The following OPRM1 variants were observed in gnomAD, a reference collection of about 807,000 sequenced individuals.
OPRM1 encodes the protein mu-type opioid receptor.
OPRM1 carries 27 observed loss-of-function variants against 31.8 expected under a neutral mutation model. The ratio of observed to expected loss-of-function variants is 0.85; its 90% confidence interval spans 0.63 to 1.17. OPRM1 has a LOEUF of 1.17. OPRM1 is among the 50% of genes most tolerant of loss of function. OPRM1 has a pLI of 0.00. For missense variants in OPRM1, 536 were observed against 511.1 expected (o/e 1.05, Z -0.47); for synonymous variants, 196 against 189.9 (o/e 1.03, Z -0.26).
intron 3 of OPRM1, among the ~76,000 whole-genome samples, chr6:154,192,654 CAAATT>C (rs56791733): frequency 0.57 from 86,745 of 151,014 alleles, 25,264 homozygotes; most frequent in East Asian, 0.89. Context: ...GGAACACAAA[CAAATT>C]AGGAAGAAAA....
At position 154,091,102 on chromosome 6, in the gene OPRM1, G is replaced by T. The variant is rs376950705; in HGVS notation, c.794G>T (p.Arg265Leu). 6.8e-6 allele frequency: 11 copies of T among 1,614,108 alleles called. No individual in the cohort carries two copies. The highest frequency in any genetic ancestry group is 5.3e-5 in the African/African-American group (4 of 75,012). ...ATGATCTTGCGCCTCAAGAGTGTCCGCATGCTCTCTGGCTCCAAAGAAAAG... is the reference window on the plus strand; with the variant it reads ...ATGATCTTGCGCCTCAAGAGTGTCCTCATGCTCTCTGGCTCCAAAGAAAAG... ...GLMILRLKSV[R>L]MLSGSKEKDR... The change falls in exon 3 of 4, where the codon CGC becomes CTC. Residue 265 changes from arginine (R) to leucine (L), a missense_variant. Coordinates refer to ENST00000330432, the MANE Select transcript of OPRM1 (RefSeq NM_000914.5).
At chr6:154,152,347 G>GAAAGAAAGAAAGGAAA in intron 3 of OPRM1, among the ~76,000 whole-genome samples, 36 of 65,158 alleles carry the variant, frequency 5.5e-4, no homozygotes, top group African/African-American at 1.8e-3. Flanking sequence ...AAGAAAGAAA[G>GAAAGAAAGAAAGGAAA]GAAAGAAAGA....
At chr6:154,017,889 C>G (rs1778098385) in intron 1 of OPRM1, among the ~76,000 whole-genome samples, 1 of 151,576 alleles carries the variant, frequency 6.6e-6, no homozygotes, top group African/African-American at 2.4e-5. Flanking sequence ...TTTTCATCTA[C>G]CCACTCAAAC....
At chr6:154,151,320 C>CTGTG (rs959530793) in intron 3 of OPRM1, among the ~76,000 whole-genome samples, 1 of 152,220 alleles carries the variant, frequency 6.6e-6, no homozygotes, top group African/African-American at 2.4e-5. Flanking sequence ...CTAAGCAAGG[C>CTGTG]TGTGACCTTA....
Position 154,090,316 on chromosome 6 carries a change from A to G in OPRM1, c.643+138A>G, listed in dbSNP as rs183206451. 338 of 640,634 alleles carry G rather than the reference A, an allele frequency of 5.3e-4. 1 individual carries two copies. The highest frequency in any genetic ancestry group is 1.0e-3 in the Admixed American group (34 of 32,718). The allele number at this position is 640,634 out of a possible 1,614,324, so 39.7% of individuals were successfully genotyped here. On this transcript the variant is annotated intron_variant, in intron 2 of 3. Transcript: ENST00000330432. ...TTTAATTATTCTTCCTAGCAAAAAA[A>G]GCCTTTGAATACTTAAAAATAGGAA...
At chr6:154,031,186 A>G (rs1778988056) in intron 1 of OPRM1, among the ~76,000 whole-genome samples, 1 of 152,210 alleles carries the variant, frequency 6.6e-6, no homozygotes, top group Non-Finnish European at 1.5e-5. Flanking sequence ...TACTGTTAAT[A>G]TAAAATATTG....
At chr6:154,203,090 A>C (rs1175275119) in intron 3 of OPRM1, among the ~76,000 whole-genome samples, 1 of 152,216 alleles carries the variant, frequency 6.6e-6, no homozygotes, top group Non-Finnish European at 1.5e-5. Context: ...ATTCTGGAGA[A>C]ACCAATAGCC....
rs1797694553 is a variant in OPRM1, at chr6:154,128,093, A to C, written c.*9372A>C. ...TAACAGAGTATTTCCAGGATTTATAAATTCAGTATTACAAATAGTAATCTG... is the reference window on the plus strand; with the variant it reads ...TAACAGAGTATTTCCAGGATTTATACATTCAGTATTACAAATAGTAATCTG... On this transcript the variant is annotated 3_prime_UTR_variant, in exon 4 of 4. Transcript: ENST00000330432. Among the ~76,000 whole-genome samples, 2 of 152,216 alleles carry C rather than the reference A, an allele frequency of 1.3e-5. No homozygotes were observed. The highest frequency in any genetic ancestry group is 4.8e-5 in the African/African-American group (2 of 41,462).
chr6:154,153,692 A>C (rs1412301337), intron 3 of OPRM1, among the ~76,000 whole-genome samples: 1 of 151,618 alleles, frequency 6.6e-6, no homozygotes, highest in Non-Finnish European at 1.5e-5. Context: ...CTCAAAAAAA[A>C]AAAAAAAAAG....
chr6:154,184,195 C>G (rs904778562), intron 3 of OPRM1, among the ~76,000 whole-genome samples: 1 of 151,402 alleles, frequency 6.6e-6, no homozygotes, highest in African/African-American at 2.4e-5. Context: ...AAAACTTTCT[C>G]TTAAAAAAAA....
intron 3 of OPRM1, chr6:154,222,997 A>G: frequency 1.6e-6 from 1 of 616,464 alleles, no homozygotes; most frequent in South Asian, 1.9e-5. Context: ...ATTCCAGAAA[A>G]TGAGAGGTTA....
At position 154,125,510 on chromosome 6, in the gene OPRM1, T is replaced by TAG. The variant is rs1286906981; in HGVS notation, c.*6798_*6799dup. On this transcript the variant is annotated 3_prime_UTR_variant, in exon 4 of 4. Transcript: ENST00000330432. ...AAAAATAAGTATTTGTTTTAGGTTTTAGAGAGAGAGCACAGAGTCCCTTTG... is the reference window on the plus strand; with the variant it reads ...AAAAATAAGTATTTGTTTTAGGTTTTAGAGAGAGAGAGCACAGAGTCCCTTTG... Among the ~76,000 whole-genome samples the TAG allele has an allele frequency of 6.6e-6, 1 of 152,210 alleles. No homozygotes were observed. The highest frequency in any genetic ancestry group is 6.5e-5 in the Admixed American group (1 of 15,272).
chr6:154,243,190 G>T (rs879307640), intron 3 of OPRM1, among the ~76,000 whole-genome samples: 3 of 152,176 alleles, frequency 2.0e-5, no homozygotes, highest in Non-Finnish European at 4.4e-5. Flanking sequence ...AATAAGAAAG[G>T]TTACCAGTTA....
chr6:154,192,764 G>T (rs187227498), intron 3 of OPRM1, among the ~76,000 whole-genome samples: 1 of 152,108 alleles, frequency 6.6e-6, no homozygotes, highest in African/African-American at 2.4e-5. Context: ...ACGAAGAAAT[G>T]TTCAATTAGT....
At chr6:154,191,035 G>T (rs574809922) in intron 3 of OPRM1, among the ~76,000 whole-genome samples, 1 of 152,008 alleles carries the variant, frequency 6.6e-6, no homozygotes, top group Non-Finnish European at 1.5e-5. Flanking sequence ...CAGCCTGGAC[G>T]ACAGAGAGAG....
chr6:154,111,798 G>A (rs568404503), intron 3 of OPRM1, among the ~76,000 whole-genome samples: 85 of 151,386 alleles, frequency 5.6e-4, no homozygotes, highest in African/African-American at 2.0e-3. Flanking sequence ...ACCGAGTCTC[G>A]CTCTGTCGCC....
chr6:154,196,190 T>C (rs891268430), intron 3 of OPRM1, among the ~76,000 whole-genome samples: 1 of 152,158 alleles, frequency 6.6e-6, no homozygotes, highest in Non-Finnish European at 1.5e-5. Flanking sequence ...AATGCAAAAT[T>C]GAATGGAGTC....
chr6:154,220,803 G>A (rs1051428639), intron 3 of OPRM1, among the ~76,000 whole-genome samples: 4 of 152,200 alleles, frequency 2.6e-5, no homozygotes, highest in African/African-American at 7.2e-5. Context: ...GATGTACTCC[G>A]AGCAAAGGCG....
chr6:154,109,459 C>G (rs17210667), intron 3 of OPRM1, among the ~76,000 whole-genome samples: 4,068 of 152,262 alleles, frequency 0.027, 66 homozygotes, highest in Admixed American at 0.043. Flanking sequence ...TAGAGATTTT[C>G]TTGTTACTGG....
Sources: gnomAD v4.1 joint callset for allele counts (sites outside exome capture counted in the v4.1 genomes callset) on GRCh38, gnomAD v4.1.1 for gene constraint, MANE v1.5 for transcripts, NCBI Gene and HGNC (gene_info 2026-07-23, HGNC 2026-07-21) for gene names.